Variants in MLLT10 observed in about 807,000 individuals in gnomAD.
MLLT10 encodes the protein MLLT10 histone lysine methyltransferase DOT1L cofactor.
Under a neutral mutation model 129.1 loss-of-function variants are expected in MLLT10, and 30 were observed. That is an observed-to-expected ratio of 0.23 (90% CI 0.17 to 0.32). The LOEUF is 0.32. MLLT10 is among the 10% of genes least tolerant of loss of function. MLLT10 has a pLI of 1.00. For missense variants in MLLT10, 1,119 were observed against 1,268.3 expected, an observed-to-expected ratio of 0.88 and a Z score of 1.79; for synonymous variants, 490 against 446.4, an observed-to-expected ratio of 1.10 and a Z score of -1.23.
At chr10:21,586,863 C>T (rs540440741) in intron 4 of MLLT10, among the ~76,000 whole-genome samples, 77 of 149,410 alleles carry the variant, frequency 5.2e-4, no homozygotes, top group Non-Finnish European at 9.2e-4. Flanking sequence ...CATTAGCCTG[C>T]GTGACAGAAG....
chr10:21,742,583 G>A lies in MLLT10; in HGVS notation c.*600G>A, dbSNP rs1386546209. The A allele has an allele frequency of 4.6e-6, 1 of 218,884 alleles. No homozygotes were observed. Among genetic ancestry groups the A allele is most frequent in the Non-Finnish European group, 9.2e-6 (1 of 109,140 alleles). The allele number at this position is 218,884 out of a possible 1,614,324, so 13.6% of individuals were successfully genotyped here. ...CCAATTTTGGTAATGAAGTTAGGAT[G>A]GTAATGTCTGCATCTGCTAAAGGTA... On this transcript the variant is annotated 3_prime_UTR_variant, in exon 23 of 23. Coordinates refer to ENST00000307729, the MANE Select transcript of MLLT10 (RefSeq NM_001195626.3).
At chr10:21,712,169 A>G (rs917899327) in intron 13 of MLLT10, among the ~76,000 whole-genome samples, 2 of 150,130 alleles carry the variant, frequency 1.3e-5, no homozygotes, top group African/African-American at 5.0e-5. Flanking sequence ...ATAAGATTCT[A>G]GGTGCTTTAA....
intron 3 of MLLT10, among the ~76,000 whole-genome samples, chr10:21,585,129 G>A (rs1381341980): frequency 4.6e-5 from 7 of 151,642 alleles, no homozygotes; most frequent in Non-Finnish European, 1.5e-5. Flanking sequence ...TTGCCGTGTC[G>A]CCCAGGCTGG....
chr10:21,556,535 T>G, intron 3 of MLLT10: 1 of 759,558 alleles, frequency 1.3e-6, no homozygotes, highest in Non-Finnish European at 2.1e-6. Context: ...GTAGATTTCT[T>G]CCATTTACCC....
chr10:21,701,763 T>C (rs1190750571), intron 13 of MLLT10, among the ~76,000 whole-genome samples: 1 of 151,900 alleles, frequency 6.6e-6, no homozygotes, highest in African/African-American at 2.4e-5. Context: ...ATTTTTTTTA[T>C]ATTTTTAGAA....
chr10:21,686,804 A>G (rs1002372260), intron 13 of MLLT10, among the ~76,000 whole-genome samples: 1 of 152,172 alleles, frequency 6.6e-6, no homozygotes, highest in Non-Finnish European at 1.5e-5. Context: ...CAACATGACG[A>G]AACCCCTTGT....
At chr10:21,598,421 C>G (rs1417464940) in intron 5 of MLLT10, among the ~76,000 whole-genome samples, 1 of 152,072 alleles carries the variant, frequency 6.6e-6, no homozygotes, top group East Asian at 1.9e-4. Flanking sequence ...CTCTGAGTAA[C>G]CTTGATTTCT....
chr10:21,572,644 A>G (rs2040333220), intron 3 of MLLT10, among the ~76,000 whole-genome samples: 1 of 151,782 alleles, frequency 6.6e-6, no homozygotes, highest in African/African-American at 2.4e-5. Context: ...TTTTTGAGAC[A>G]GAGTCTTACT....
chr10:21,660,210 G>GC (rs1229191928), intron 9 of MLLT10, among the ~76,000 whole-genome samples: 1 of 150,828 alleles, frequency 6.6e-6, no homozygotes, highest in Non-Finnish European at 1.5e-5. Context: ...TAAGCCATTT[G>GC]CCCCCCCTTA....
chr10:21,647,422 A>G (rs545538906), intron 8 of MLLT10, among the ~76,000 whole-genome samples: 79 of 152,304 alleles, frequency 5.2e-4, no homozygotes, highest in Middle Eastern at 6.8e-3. Context: ...TTGGGAGGCT[A>G]AGGCAGAAGG....
At chr10:21,634,592 C>T (rs547640703) in intron 8 of MLLT10, among the ~76,000 whole-genome samples, 2 of 152,154 alleles carry the variant, frequency 1.3e-5, no homozygotes, top group Admixed American at 6.5e-5. Context: ...TTTAATATAT[C>T]CATTGATGAT....
intron 3 of MLLT10, among the ~76,000 whole-genome samples, chr10:21,578,097 G>C (rs1163899090): frequency 6.6e-6 from 1 of 151,344 alleles, no homozygotes; most frequent in African/African-American, 2.4e-5. Context: ...GTTTCACCAT[G>C]ATGGCCAGGC....
At chr10:21,733,619 T>A (rs766917362) in intron 19 of MLLT10, 27 bp downstream of exon 19, 4 of 1,487,614 alleles carry the variant, frequency 2.7e-6, no homozygotes, top group Non-Finnish European at 9.0e-7. Flanking sequence ...TATTTTCATC[T>A]ATGTTGATTT....
chr10:21,553,850 A>G (rs931918032), intron 3 of MLLT10, among the ~76,000 whole-genome samples: 5 of 152,004 alleles, frequency 3.3e-5, no homozygotes, highest in African/African-American at 1.2e-4. Context: ...AGGTTTCACC[A>G]TGTTGGCCAG....
chr10:21,552,554 G>T (rs908063623), intron 3 of MLLT10, among the ~76,000 whole-genome samples: 1 of 151,572 alleles, frequency 6.6e-6, no homozygotes, highest in African/African-American at 2.4e-5. Flanking sequence ...ACCACGCCTG[G>T]CTAGTTTTTG....
intron 3 of MLLT10, among the ~76,000 whole-genome samples, chr10:21,563,290 G>C (rs1564417379): frequency 2.6e-5 from 4 of 152,140 alleles, no homozygotes; most frequent in African/African-American, 9.7e-5. Context: ...TTGGGAGGCT[G>C]AGGCGGGTGG....
At chr10:21,644,056 C>T (rs975408601) in intron 8 of MLLT10, among the ~76,000 whole-genome samples, 9 of 152,106 alleles carry the variant, frequency 5.9e-5, no homozygotes, top group South Asian at 2.1e-4. Context: ...GTAATGATAC[C>T]GTTTTAGTCT....
chr10:21,541,051 T>G (rs1035287118), intron 3 of MLLT10, among the ~76,000 whole-genome samples: 10 of 151,998 alleles, frequency 6.6e-5, no homozygotes, highest in Non-Finnish European at 4.4e-5. Context: ...TGCCAGCCAC[T>G]TGGGAGACTG....
At chr10:21,555,631 T>C (rs2037813523) in intron 3 of MLLT10, among the ~76,000 whole-genome samples, 1 of 152,250 alleles carries the variant, frequency 6.6e-6, no homozygotes, top group Admixed American at 6.5e-5. Flanking sequence ...AGTGACTTTA[T>C]GTAAAAATCT....
Sources: allele counts gnomAD v4.1 joint callset (sites outside exome capture counted in the v4.1 genomes callset), GRCh38; gene constraint gnomAD v4.1.1; transcripts MANE v1.5; gene names NCBI Gene and HGNC (gene_info 2026-07-23, HGNC 2026-07-21).